Variants in DCBLD1 observed in about 807,000 individuals in gnomAD.
The protein encoded by DCBLD1 is discoidin, CUB and LCCL domain containing 1, also known as discoidin, CUB and LCCL domain-containing protein 1.
Under a neutral mutation model 71.5 loss-of-function variants are expected in DCBLD1, and 57 were observed. The observed-to-expected ratio is 0.80, with a 90% confidence interval of 0.64 to 0.99. The LOEUF (loss-of-function observed/expected upper bound fraction) is 0.99, where lower values mean the gene tolerates loss of function less well. Among genes scored for constraint, DCBLD1 ranks in the 50% least tolerant of loss-of-function variants. The pLI is 0.00. For synonymous variants in DCBLD1, 380 were observed against 363.8 expected (o/e 1.04, Z -0.51); for missense variants, 891 against 923.5 (o/e 0.96, Z 0.46).
At position 117,549,191 on chromosome 6, in the gene DCBLD1, T is replaced by G; in HGVS notation, c.*752T>G. On this transcript the variant is annotated 3_prime_UTR_variant, in exon 15 of 15. Transcript: ENST00000338728. The stretch of plus-strand genomic sequence containing the variant: ...CATGAAGGTGGCACAGGAATTACAG[T>G]GTGAATGGCTGTGTCAGATGTTTTC... 8 of 985,422 alleles carry G rather than the reference T, an allele frequency of 8.1e-6. No individual in the cohort carries two copies. Among genetic ancestry groups the G allele is most frequent in the Non-Finnish European group, 9.6e-6 (8 of 829,934 alleles). The allele number at this position is 985,422 out of a possible 1,614,324, so 61.0% of individuals were successfully genotyped here.
intron 1 of DCBLD1, 96 bp downstream of exon 1, chr6:117,482,989 C>A (rs112633012): frequency 4.0e-6 from 3 of 744,178 alleles, no homozygotes; most frequent in East Asian, 2.3e-4. Flanking sequence ...GGCTACGGGG[C>A]GGGCCGGGCC....
At chr6:117,491,373 C>T (rs571292125) in intron 1 of DCBLD1, among the ~76,000 whole-genome samples, 1 of 152,200 alleles carries the variant, frequency 6.6e-6, no homozygotes, top group East Asian at 1.9e-4. Flanking sequence ...TCCTGCTTTG[C>T]CAAGAGACTA....
chr6:117,537,410 T>C (rs533068910), intron 7 of DCBLD1, among the ~76,000 whole-genome samples, 185 bp downstream of exon 7: 1 of 151,714 alleles, frequency 6.6e-6, no homozygotes, highest in Admixed American at 6.6e-5. Context: ...GGGGGGCGCC[T>C]GTAGTCCCAG....
intron 7 of DCBLD1, 126 bp downstream of exon 7, chr6:117,537,351 A>G (rs965808975): frequency 3.9e-5 from 31 of 787,796 alleles, no homozygotes; most frequent in Admixed American, 2.8e-4. Flanking sequence ...TGGCTAACAC[A>G]GTGAAACCCC....
At chr6:117,534,001 G>C (rs1199934621) in intron 6 of DCBLD1, among the ~76,000 whole-genome samples, 1 of 152,212 alleles carries the variant, frequency 6.6e-6, no homozygotes, top group Non-Finnish European at 1.5e-5. Flanking sequence ...GGACAGCAGT[G>C]CATGCCGTGC....
intron 2 of DCBLD1, among the ~76,000 whole-genome samples, chr6:117,509,245 A>T (rs1247147218): frequency 6.6e-6 from 1 of 152,152 alleles, no homozygotes; most frequent in Admixed American, 6.5e-5. Flanking sequence ...TAGGTTGGAC[A>T]ACATGGCAAC....
chr6:117,537,090 G>A, intron 6 of DCBLD1, 95 bp from the exon 7 acceptor site: 1 of 1,219,376 alleles, frequency 8.2e-7, no homozygotes, highest in Non-Finnish European at 1.2e-6. Context: ...GGAAGCACAG[G>A]TGGGAAAGTT....
Position 117,538,838 on chromosome 6 carries a change from G to C in DCBLD1, c.976+3G>C, listed in dbSNP as rs369948200. On this transcript the variant is annotated splice_donor_region_variant and intron_variant, in intron 8 of 14. Transcript: ENST00000338728. ...GGGGGAGAAAAAGAAAATAACAGGT[G>C]CAGAAAATAACACAAGTGCCAAGTG... 6.2e-7 allele frequency: 1 copy of C among 1,608,720 alleles called. No homozygotes were observed. The highest frequency in any genetic ancestry group is 1.1e-5 in the South Asian group (1 of 90,308).
chr6:117,539,298 T>G lies in DCBLD1; in HGVS notation c.1020T>G (p.Tyr340Ter). Residue 340 changes from tyrosine (Y) to a stop codon, truncating the protein, a stop_gained, in exon 9 of 15, where the codon TAT becomes TAG. Transcript: ENST00000338728. LOFTEE classifies it high-confidence loss of function. ...CTACACAGTCGAACTTCAACTTTTA[T>G]GTTAAGAGTTTTGTGATGAACTTCA... is the stretch of plus-strand genomic sequence containing the variant. ...TGSTQSNFNF[Y>*]VKSFVMNFKN... 6.2e-7 allele frequency: 1 copy of G among 1,607,564 alleles called. No homozygotes were observed. The highest frequency in any genetic ancestry group is 8.5e-7 in the Non-Finnish European group (1 of 1,178,008).
In DCBLD1 at chr6:117,559,577, G is replaced by A. The variant is rs150401982; in HGVS notation, c.1616-10043G>A. Among the ~76,000 whole-genome samples the A allele has an allele frequency of 1.6e-3, 240 of 152,304 alleles. 1 individual carries two copies. Among genetic ancestry groups the A allele is most frequent in the African/African-American group, 5.5e-3 (229 of 41,572 alleles). On this transcript the variant is annotated intron_variant, in intron 14 of 14. Transcript: ENST00000296955. ...CAGTAAGCTATGCTCCCTCCTGCAC[G>A]AGAACTGACAGATGCATTCTCATGG... is the stretch of plus-strand genomic sequence containing the variant.
At chr6:117,509,837 A>T (rs1777958714) in intron 2 of DCBLD1, among the ~76,000 whole-genome samples, 3 of 152,200 alleles carry the variant, frequency 2.0e-5, no homozygotes, top group South Asian at 4.1e-4. Flanking sequence ...GGGTTCACTG[A>T]ACCAGAACTA....
At chr6:117,486,726 C>G (rs1278360227) in intron 1 of DCBLD1, among the ~76,000 whole-genome samples, 2 of 152,220 alleles carry the variant, frequency 1.3e-5, no homozygotes, top group African/African-American at 4.8e-5. Flanking sequence ...GAAACCCTCT[C>G]TTCATTCCCA....
chr6:117,540,163 T>A (rs1359080292), intron 9 of DCBLD1: 1 of 152,974 alleles, frequency 6.5e-6, no homozygotes, highest in Non-Finnish European at 1.5e-5. Flanking sequence ...TTGAGAGATC[T>A]TTGTGATTTA....
intron 5 of DCBLD1, among the ~76,000 whole-genome samples, chr6:117,530,266 AC>A (rs1270060392): frequency 6.6e-6 from 1 of 152,178 alleles, no homozygotes; most frequent in African/African-American, 2.4e-5. Context: ...GGCAACAGGG[AC>A]CACTTTTGTG....
chr6:117,545,478 A>G lies in DCBLD1; in HGVS notation c.1496A>G (p.Asp499Gly). The G allele has an allele frequency of 1.2e-6, 2 of 1,613,548 alleles. No homozygotes were observed. The highest frequency in any genetic ancestry group is 1.7e-6 in the Non-Finnish European group (2 of 1,179,816). The change falls in exon 14 of 15, where the codon GAC becomes GGC. Residue 499 changes from aspartate to glycine, a missense_variant and splice_region_variant. Coordinates refer to ENST00000338728, the MANE Select transcript of DCBLD1 (RefSeq NM_001366458.2). ...PYGSAEAQKT[D>G]CWKQIKYPFA... ...TTGGTTTATGTTACCTTTATTCCAG[A>G]CTGTTGGAAGCAGATTAAATATCCC...
chr6:117,540,617 C>T (rs372621461), intron 9 of DCBLD1, 51 bp from the exon 10 acceptor site: 2 of 1,607,494 alleles, frequency 1.2e-6, no homozygotes, highest in Non-Finnish European at 1.7e-6. Flanking sequence ...ATGATAAACA[C>T]CTAAAAACTC....
intron 1 of DCBLD1, among the ~76,000 whole-genome samples, chr6:117,503,018 T>C (rs1777713568): frequency 1.3e-5 from 2 of 152,234 alleles, no homozygotes; most frequent in South Asian, 4.1e-4. Context: ...CCCTGATGTA[T>C]ATATAACACA....
At chr6:117,569,256 G>A (rs1250989382) in intron 14 of DCBLD1, among the ~76,000 whole-genome samples, 1 of 152,074 alleles carries the variant, frequency 6.6e-6, no homozygotes, top group East Asian at 1.9e-4. Flanking sequence ...TTCAGTCTCA[G>A]GTCCTGTTCT....
chr6:117,496,768 T>C (rs908493871), intron 1 of DCBLD1, among the ~76,000 whole-genome samples: 5 of 152,208 alleles, frequency 3.3e-5, no homozygotes, highest in African/African-American at 7.2e-5. Flanking sequence ...TAATAGGTAA[T>C]GAAATCACTT....
Sources: gnomAD v4.1 joint callset for allele counts (sites outside exome capture counted in the v4.1 genomes callset) on GRCh38, gnomAD v4.1.1 for gene constraint, MANE v1.5 for transcripts, NCBI Gene and HGNC (gene_info 2026-07-23, HGNC 2026-07-21) for gene names.